The following DPYD variants were observed in gnomAD, a reference collection of about 807,000 sequenced individuals.
DPYD encodes dihydropyrimidine dehydrogenase.
In DPYD, 109 loss-of-function variants were observed where a neutral mutation model predicts 116.2. The ratio of observed to expected loss-of-function variants is 0.94; its 90% CI spans 0.80 to 1.10. The LOEUF (loss-of-function observed/expected upper bound fraction) is 1.10, where lower values mean the gene tolerates loss of function less well. DPYD is among the 50% of genes least tolerant of loss of function. DPYD has a pLI of 0.00. For missense variants in DPYD, 1,302 were observed against 1,254.5 expected (o/e 1.04, Z -0.57); for synonymous variants, 440 against 432.0 (o/e 1.02, Z -0.23).
chr1:97,121,200 C>T (rs1652405442), intron 20 of DPYD, among the ~76,000 whole-genome samples: 1 of 152,132 alleles, frequency 6.6e-6, no homozygotes, highest in Non-Finnish European at 1.5e-5. Context: ...AGGTGAGGAC[C>T]TGCTACCTTT....
At chr1:97,799,663 C>A (rs1667754026) in intron 3 of DPYD, among the ~76,000 whole-genome samples, 1 of 151,830 alleles carries the variant, frequency 6.6e-6, no homozygotes, top group Non-Finnish European at 1.5e-5. Context: ...TACTTTAATC[C>A]ATTTTCTTAA....
chr1:97,720,125 G>C, intron 5 of DPYD: 2 of 984,380 alleles, frequency 2.0e-6, no homozygotes, highest in African/African-American at 1.8e-5. Context: ...GAGGAATAAT[G>C]TATTTCCCTG....
chr1:97,490,859 C>G (rs1373503310), intron 13 of DPYD, among the ~76,000 whole-genome samples: 1 of 149,672 alleles, frequency 6.7e-6, no homozygotes, highest in Admixed American at 6.7e-5. Flanking sequence ...GATTTTCAAG[C>G]TTAGAAGATG....
intron 12 of DPYD, among the ~76,000 whole-genome samples, chr1:97,536,240 A>G (rs1355778777): frequency 6.6e-6 from 1 of 152,190 alleles, no homozygotes; most frequent in Non-Finnish European, 1.5e-5. Context: ...GACATACTTC[A>G]ATATTATTTT....
At chr1:97,691,842 G>T (rs2100950429) in intron 6 of DPYD, 44 bp from the exon 7 acceptor site, 1 of 1,520,626 alleles carries the variant, frequency 6.6e-7, no homozygotes, top group South Asian at 1.1e-5. Context: ...GTAGAAAAAT[G>T]ACCAATCTTT....
intron 13 of DPYD, among the ~76,000 whole-genome samples, chr1:97,471,882 G>A (rs1244772376): frequency 6.6e-6 from 1 of 152,182 alleles, no homozygotes; most frequent in South Asian, 2.1e-4. Context: ...GAGCCACCAC[G>A]CCCATCCCGT....
chr1:97,707,195 C>T (rs1333037431), intron 5 of DPYD, among the ~76,000 whole-genome samples: 8 of 151,936 alleles, frequency 5.3e-5, no homozygotes, highest in African/African-American at 1.7e-4. Flanking sequence ...AGATTAGTTC[C>T]CTTAAAAACA....
chr1:97,313,604 A>G (rs1297476516), intron 16 of DPYD, among the ~76,000 whole-genome samples: 1 of 150,922 alleles, frequency 6.6e-6, no homozygotes, highest in Non-Finnish European at 1.5e-5. Context: ...AGCCTTCTCT[A>G]TTCTGTTTCT....
chr1:97,525,789 A>AGAGAGAGAGAGAGAGGGT (rs1431555133), intron 12 of DPYD, among the ~76,000 whole-genome samples: 1 of 142,612 alleles, frequency 7.0e-6, no homozygotes, highest in African/African-American at 2.7e-5. Flanking sequence ...AGAGAGAGAG[A>AGAGAGAGAGAGAGAGGGT]GTGTGTGTGT....
At chr1:97,126,512 T>C (rs1452209183) in intron 20 of DPYD, among the ~76,000 whole-genome samples, 1 of 152,072 alleles carries the variant, frequency 6.6e-6, no homozygotes, top group Non-Finnish European at 1.5e-5. Flanking sequence ...TCATATACCC[T>C]TCCTCCAACA....
chr1:97,257,948 T>A (rs1240446798), intron 18 of DPYD, among the ~76,000 whole-genome samples: 1 of 152,072 alleles, frequency 6.6e-6, no homozygotes, highest in East Asian at 1.9e-4. Context: ...CTTTGTCTAG[T>A]TGGGTCATCT....
intron 4 of DPYD, among the ~76,000 whole-genome samples, chr1:97,738,708 G>A (rs1444880127): frequency 6.7e-6 from 1 of 148,984 alleles, no homozygotes. Context: ...TTTTTTTTGA[G>A]GTTTGACAAC....
intron 2 of DPYD, among the ~76,000 whole-genome samples, chr1:97,840,409 C>A (rs1057246740): frequency 6.6e-6 from 1 of 152,010 alleles, no homozygotes; most frequent in East Asian, 1.9e-4. Context: ...AAATGTAATA[C>A]ATAGAAATAA....
intron 13 of DPYD, among the ~76,000 whole-genome samples, chr1:97,495,309 T>A (rs1557752227): frequency 6.6e-6 from 1 of 152,110 alleles, no homozygotes; most frequent in Non-Finnish European, 1.5e-5. Flanking sequence ...TAGATTAATT[T>A]CTGTAATGTC....
chr1:97,386,010 A>C (rs1011979499), intron 14 of DPYD, among the ~76,000 whole-genome samples: 1 of 152,130 alleles, frequency 6.6e-6, no homozygotes, highest in African/African-American at 2.4e-5. Flanking sequence ...GTTGTTCAGG[A>C]CATTGCGAGA....
intron 8 of DPYD, among the ~76,000 whole-genome samples, chr1:97,669,446 G>A (rs1172574559): frequency 6.6e-6 from 1 of 152,094 alleles, no homozygotes; most frequent in Admixed American, 6.6e-5. Context: ...ATTTGGGAAG[G>A]TGGGAACAAT....
chr1:97,238,654 G>T (rs899010842), intron 18 of DPYD, among the ~76,000 whole-genome samples: 2 of 152,066 alleles, frequency 1.3e-5, no homozygotes, highest in African/African-American at 4.8e-5. Context: ...CGAGATAAAG[G>T]TCTTTTAAAA....
At chr1:97,348,349 C>T (rs970054283) in intron 16 of DPYD, among the ~76,000 whole-genome samples, 1 of 152,112 alleles carries the variant, frequency 6.6e-6, no homozygotes, top group Non-Finnish European at 1.5e-5. Context: ...AACATAAGCT[C>T]TTTGGGAACA....
intron 20 of DPYD, among the ~76,000 whole-genome samples, chr1:97,153,793 A>T (rs1257654808): frequency 6.6e-6 from 1 of 152,118 alleles, no homozygotes; most frequent in South Asian, 2.1e-4. Flanking sequence ...AACTGAAACA[A>T]ATCATCAAGA....
Sources: allele counts gnomAD v4.1 joint callset (sites outside exome capture counted in the v4.1 genomes callset), GRCh38; gene constraint gnomAD v4.1.1; transcripts MANE v1.5; gene names NCBI Gene and HGNC (gene_info 2026-07-23, HGNC 2026-07-21).